Variants in COX7B2 observed in about 807,000 individuals in gnomAD.
The protein encoded by COX7B2 is cytochrome c oxidase subunit 7B2.
For synonymous variants in COX7B2, 37 were observed against 32.1 expected (o/e 1.15, Z -0.51); for missense variants, 109 against 95.9 (o/e 1.14, Z -0.57).
chr4:46,807,376 G>T (rs972033836), intron 2 of COX7B2, among the ~76,000 whole-genome samples: 2 of 151,806 alleles, frequency 1.3e-5, no homozygotes, highest in Non-Finnish European at 3.0e-5. Context: ...TTCCACTACT[G>T]AGTGATATCA....
chr4:46,884,711 G>C (rs1226788304), intron 1 of COX7B2, among the ~76,000 whole-genome samples: 1 of 152,178 alleles, frequency 6.6e-6, no homozygotes, highest in African/African-American at 2.4e-5. Flanking sequence ...TGTTTTGGAA[G>C]TGTTTTTTGA....
intron 2 of COX7B2, among the ~76,000 whole-genome samples, chr4:46,833,869 T>C (rs1268905759): frequency 6.6e-6 from 1 of 152,056 alleles, no homozygotes; most frequent in East Asian, 1.9e-4. Context: ...TGTTGTTGGG[T>C]TGGCAAATTG....
At chr4:46,802,229 C>T (rs1036065157) in intron 2 of COX7B2, among the ~76,000 whole-genome samples, 1 of 152,104 alleles carries the variant, frequency 6.6e-6, no homozygotes, top group African/African-American at 2.4e-5. Flanking sequence ...AGACCTGGCC[C>T]TTTTAGGTAG....
intron 2 of COX7B2, among the ~76,000 whole-genome samples, chr4:46,821,091 T>C (rs532741016): frequency 6.6e-6 from 1 of 152,256 alleles, no homozygotes; most frequent in South Asian, 2.1e-4. Flanking sequence ...CTGCGTTTCG[T>C]ATCTGGTTGT....
At chr4:46,828,271 CA>C (rs1366336051) in intron 2 of COX7B2, among the ~76,000 whole-genome samples, 1 of 151,636 alleles carries the variant, frequency 6.6e-6, no homozygotes, top group African/African-American at 2.4e-5. Context: ...TTCTGAAAAA[CA>C]AAAAAGAAAA....
intron 2 of COX7B2, among the ~76,000 whole-genome samples, chr4:46,757,302 C>T (rs1334615652): frequency 8.8e-6 from 1 of 113,392 alleles, no homozygotes; most frequent in Non-Finnish European, 1.7e-5. Flanking sequence ...ACACCAGAGA[C>T]TATGAAAGGT....
intron 1 of COX7B2, among the ~76,000 whole-genome samples, chr4:46,849,501 T>C (rs961304861): frequency 6.6e-6 from 1 of 152,134 alleles, no homozygotes; most frequent in African/African-American, 2.4e-5. Context: ...GGATAGTATA[T>C]GCTCAATAAG....
intron 2 of COX7B2, among the ~76,000 whole-genome samples, chr4:46,751,357 T>C (rs1715364234): frequency 6.6e-6 from 1 of 152,090 alleles, no homozygotes; most frequent in African/African-American, 2.4e-5. Flanking sequence ...ATACATGTTA[T>C]TTGTTGAATG....
chr4:46,881,866 T>C (rs1577693303), intron 1 of COX7B2, among the ~76,000 whole-genome samples: 1 of 152,188 alleles, frequency 6.6e-6, no homozygotes, highest in Non-Finnish European at 1.5e-5. Flanking sequence ...GACTCTCCTC[T>C]AATTCTTTCA....
intron 2 of COX7B2, among the ~76,000 whole-genome samples, chr4:46,811,284 T>C (rs1048215370): frequency 1.3e-5 from 2 of 152,028 alleles, no homozygotes; most frequent in African/African-American, 4.8e-5. Flanking sequence ...ACTCCAATAA[T>C]CAAATATTTA....
chr4:46,782,460 GTTTGTAAATGCAC>G (rs1433204227), intron 2 of COX7B2, among the ~76,000 whole-genome samples: 1 of 152,114 alleles, frequency 6.6e-6, no homozygotes, highest in Non-Finnish European at 1.5e-5. Flanking sequence ...CTAGCTCAAG[GTTTGTAAATGCAC>G]CAATCAGCTC....
chr4:46,745,991 G>A (rs530903277), intron 2 of COX7B2, among the ~76,000 whole-genome samples: 93 of 152,020 alleles, frequency 6.1e-4, no homozygotes, highest in Non-Finnish European at 1.2e-3. Context: ...AATTAGAAAA[G>A]TAAAATTTCT....
intron 2 of COX7B2, among the ~76,000 whole-genome samples, chr4:46,828,211 T>C (rs1487565210): frequency 6.6e-6 from 1 of 152,154 alleles, no homozygotes; most frequent in Non-Finnish European, 1.5e-5. Context: ...GGGAGGAATA[T>C]TTGCAATGTT....
intron 1 of COX7B2, among the ~76,000 whole-genome samples, chr4:46,871,716 C>G (rs1043525455): frequency 2.0e-5 from 3 of 149,816 alleles, no homozygotes; most frequent in African/African-American, 7.4e-5. Context: ...TGTGGCCAAA[C>G]AACCATATGA....
At chr4:46,879,073 T>C (rs1490993656) in intron 1 of COX7B2, among the ~76,000 whole-genome samples, 1 of 152,240 alleles carries the variant, frequency 6.6e-6, no homozygotes, top group Non-Finnish European at 1.5e-5. Flanking sequence ...ATATTTAGTA[T>C]ATCTGGACAT....
chr4:46,805,036 G>C (rs1470940512), intron 2 of COX7B2, among the ~76,000 whole-genome samples: 1 of 152,282 alleles, frequency 6.6e-6, no homozygotes, highest in African/African-American at 2.4e-5. Context: ...GCTGGCCCAG[G>C]TGCTAACCTC....
chr4:46,847,392 C>A (rs1716358245), intron 1 of COX7B2, among the ~76,000 whole-genome samples: 2 of 151,990 alleles, frequency 1.3e-5, no homozygotes, highest in African/African-American at 4.8e-5. Flanking sequence ...AAACATAAGG[C>A]CCTCCCTCCT....
At chr4:46,907,716 T>TAA (rs372895992) in intron 1 of COX7B2, among the ~76,000 whole-genome samples, 38 of 143,374 alleles carry the variant, frequency 2.7e-4, no homozygotes, top group East Asian at 1.6e-3. Context: ...CACTGTGAGA[T>TAA]AAAAAAAAAA....
intron 2 of COX7B2, among the ~76,000 whole-genome samples, chr4:46,747,034 A>G (rs144263878): frequency 2.9e-3 from 446 of 152,324 alleles, no homozygotes; most frequent in Middle Eastern, 0.01. Flanking sequence ...AATATGAGAC[A>G]TCTTTCCCAA....
Sources: gnomAD v4.1 joint callset for allele counts (sites outside exome capture counted in the v4.1 genomes callset) on GRCh38, gnomAD v4.1.1 for gene constraint, MANE v1.5 for transcripts, NCBI Gene and HGNC (gene_info 2026-07-23, HGNC 2026-07-21) for gene names.